The following RASSF3 variants were observed in gnomAD, a reference collection of about 807,000 sequenced individuals.
The protein encoded by RASSF3 is Ras association domain family member 3, also known as ras association domain-containing protein 3.
A neutral mutation model predicts 19.9 loss-of-function variants in RASSF3; 19 were observed. The ratio of observed to expected loss-of-function variants is 0.96; its 90% CI spans 0.67 to 1.40. The LOEUF (loss-of-function observed/expected upper bound fraction) is 1.40, where lower values mean the gene tolerates loss of function less well. Ranked by LOEUF, RASSF3 falls within the 40% of genes most tolerant of loss-of-function variation. The pLI is 0.00. For missense variants in RASSF3, 306 were observed against 289.8 expected, an observed-to-expected ratio of 1.06 and a Z score of -0.41; for synonymous variants, 110 against 104.2, an observed-to-expected ratio of 1.06 and a Z score of -0.34.
intron 1 of RASSF3, among the ~76,000 whole-genome samples, chr12:64,613,147 CATAAAT>C (rs1191117528): frequency 6.6e-6 from 1 of 152,094 alleles, no homozygotes; most frequent in Non-Finnish European, 1.5e-5. Flanking sequence ...AGTAAAACAT[CATAAAT>C]ATAAAGCAAA....
intron 1 of RASSF3, among the ~76,000 whole-genome samples, chr12:64,626,503 AAAG>A (rs1870999742): frequency 6.6e-6 from 1 of 151,652 alleles, no homozygotes; most frequent in Non-Finnish European, 1.5e-5. Context: ...AAAAAAAAAA[AAAG>A]AAAAAAAAAG....
intron 1 of RASSF3, among the ~76,000 whole-genome samples, chr12:64,527,471 T>C (rs1868612235): frequency 6.6e-6 from 1 of 152,236 alleles, no homozygotes; most frequent in Non-Finnish European, 1.5e-5. Flanking sequence ...TCCTGCCCAA[T>C]CCAGTGTTTC....
At chr12:64,532,376 AT>A (rs1868730495), upstream of RASSF3, among the ~76,000 whole-genome samples, 1 of 152,192 alleles carries the variant, frequency 6.6e-6, no homozygotes, top group Non-Finnish European at 1.5e-5. Flanking sequence ...TCTTGGAAAT[AT>A]TTAGAAAGCA....
At chr12:64,565,870 G>A (rs1404188422) in intron 2 of RASSF3, among the ~76,000 whole-genome samples, 5 of 143,070 alleles carry the variant, frequency 3.5e-5, no homozygotes, top group South Asian at 2.3e-4. Flanking sequence ...GCAACCGAGC[G>A]AGACTTCGTC....
intron 1 of RASSF3, among the ~76,000 whole-genome samples, chr12:64,639,418 C>T (rs1297450015): frequency 1.3e-5 from 2 of 151,482 alleles, no homozygotes; most frequent in Non-Finnish European, 2.9e-5. Context: ...GTGAATGTGG[C>T]TTATTTGGGC....
intron 3 of RASSF3, among the ~76,000 whole-genome samples, chr12:64,689,975 G>A (rs150230797): frequency 6.6e-6 from 1 of 151,148 alleles, no homozygotes; most frequent in East Asian, 2.0e-4. Flanking sequence ...GTTTTTAGTA[G>A]AGACGGGATT....
Position 64,610,592 on chromosome 12 carries a change from G to C in RASSF3, c.-41G>C, listed in dbSNP as rs1323451312. ...CGCCGCACCCCCTCCCTGGCCGCCT[G>C]CGCCCCGGGGAGGCCGCCCGCGCGC... is the stretch of plus-strand genomic sequence containing the variant. On this transcript the variant is annotated 5_prime_UTR_variant, in exon 1 of 5. Coordinates refer to ENST00000542104, the MANE Select transcript of RASSF3 (RefSeq NM_178169.4). 6.9e-6 allele frequency: 9 copies of C among 1,309,298 alleles called. No homozygotes were observed. The highest frequency in any genetic ancestry group is 9.1e-6 in the Non-Finnish European group (9 of 988,558). 81.1% of individuals were successfully genotyped at this position (1,309,298 alleles called of 1,614,324 possible). A position where few individuals can be genotyped will look rare whatever the true frequency, so the allele number is the denominator to read the frequency against.
At chr12:64,526,986 TA>T (rs1243535388) in intron 1 of RASSF3, among the ~76,000 whole-genome samples, 2 of 152,364 alleles carry the variant, frequency 1.3e-5, no homozygotes, top group East Asian at 3.9e-4. Context: ...AAAGGCTGAA[TA>T]GTGTTCCACC....
At chr12:64,527,340 A>T (rs1565832842) in intron 1 of RASSF3, among the ~76,000 whole-genome samples, 2 of 152,228 alleles carry the variant, frequency 1.3e-5, no homozygotes, top group Non-Finnish European at 2.9e-5. Flanking sequence ...TCTTCCATAA[A>T]AAACAGAAGA....
intron 1 of RASSF3, among the ~76,000 whole-genome samples, chr12:64,640,331 T>A (rs1326494352): frequency 6.6e-6 from 1 of 152,198 alleles, no homozygotes; most frequent in Non-Finnish European, 1.5e-5. Context: ...AACATGAGAT[T>A]GACCCTCTCA....
chr12:64,630,748 T>A (rs1171851557), intron 1 of RASSF3, among the ~76,000 whole-genome samples: 1 of 152,102 alleles, frequency 6.6e-6, no homozygotes, highest in Non-Finnish European at 1.5e-5. Context: ...ACACTGAATG[T>A]GGGCAGAGAG....
At chr12:64,586,691 GGCA>G (rs1869809550) in intron 2 of RASSF3, among the ~76,000 whole-genome samples, 1 of 151,928 alleles carries the variant, frequency 6.6e-6, no homozygotes, top group African/African-American at 2.4e-5. Context: ...GGGAGGCCGA[GGCA>G]GGCAGATCAC....
intron 1 of RASSF3, among the ~76,000 whole-genome samples, chr12:64,680,644 C>T (rs1236310812): frequency 1.3e-5 from 2 of 151,914 alleles, no homozygotes; most frequent in Non-Finnish European, 1.5e-5. Context: ...GACAGAGTCT[C>T]GCTCTGTCGC....
At chr12:64,508,360 CAAA>C (rs1315991127) in intron 1 of RASSF3, among the ~76,000 whole-genome samples, 1 of 151,168 alleles carries the variant, frequency 6.6e-6, no homozygotes, top group South Asian at 2.1e-4. Flanking sequence ...ACTAAAAATA[CAAA>C]AAAATTAGCC....
upstream of RASSF3, among the ~76,000 whole-genome samples, chr12:64,608,492 T>C (rs1207619089): frequency 6.6e-6 from 1 of 152,184 alleles, no homozygotes; most frequent in Admixed American, 6.5e-5. Flanking sequence ...TTTGTAGTTT[T>C]AGTAGAGGCG....
chr12:64,634,309 CCTT>C (rs1450967801), intron 1 of RASSF3, among the ~76,000 whole-genome samples: 2 of 138,590 alleles, frequency 1.4e-5, no homozygotes, highest in Non-Finnish European at 3.2e-5. Flanking sequence ...ATCATCTTGT[CCTT>C]TTTTTTTTTT....
chr12:64,547,790 CA>C (rs1869094283), intron 2 of RASSF3, among the ~76,000 whole-genome samples: 1 of 152,094 alleles, frequency 6.6e-6, no homozygotes, highest in Non-Finnish European at 1.5e-5. Context: ...GATTCAGGAT[CA>C]AATTCCTGTT....
chr12:64,678,648 CAAA>C (rs767180678), intron 1 of RASSF3, among the ~76,000 whole-genome samples: 5 of 90,908 alleles, frequency 5.5e-5, no homozygotes, highest in Non-Finnish European at 1.1e-4. Context: ...TCCGTAATAC[CAAA>C]AAAAAAAAAA....
chr12:64,520,973 GAGA>G (rs1200785472), intron 1 of RASSF3, among the ~76,000 whole-genome samples: 1 of 152,166 alleles, frequency 6.6e-6, no homozygotes, highest in Non-Finnish European at 1.5e-5. Context: ...TCTACAGAGA[GAGA>G]AGGTGAATGG....
Sources: gnomAD v4.1 joint callset for allele counts (sites outside exome capture counted in the v4.1 genomes callset) on GRCh38, gnomAD v4.1.1 for gene constraint, MANE v1.5 for transcripts, NCBI Gene and HGNC (gene_info 2026-07-23, HGNC 2026-07-21) for gene names.